The following UBE3C variants were observed in gnomAD, a reference collection of about 807,000 sequenced individuals.
UBE3C encodes ubiquitin-protein ligase E3C.
In UBE3C, 42 loss-of-function variants were observed where a neutral mutation model predicts 129.4. The observed-to-expected ratio is 0.32, with a 90% CI of 0.25 to 0.42. UBE3C has a LOEUF of 0.42. Among genes scored for constraint, UBE3C ranks in the 10% least tolerant of loss-of-function variants. The probability of loss-of-function intolerance (pLI) is 1.00; values close to 1 mark genes in which losing one functional copy is unlikely to be tolerated. For synonymous variants in UBE3C, 510 were observed against 492.4 expected, an observed-to-expected ratio of 1.04 and a Z score of -0.47; for missense variants, 1,049 against 1,319.1, an observed-to-expected ratio of 0.80 and a Z score of 3.17.
intron 18 of UBE3C, among the ~76,000 whole-genome samples, chr7:157,242,141 T>C (rs1010892560): frequency 1.3e-5 from 2 of 152,184 alleles, no homozygotes; most frequent in Non-Finnish European, 1.5e-5. Context: ...GATATCCCAG[T>C]AAAGCTGTTA....
intron 13 of UBE3C, among the ~76,000 whole-genome samples, chr7:157,211,383 T>A (rs1460823280): frequency 6.6e-6 from 1 of 152,228 alleles, no homozygotes; most frequent in Non-Finnish European, 1.5e-5. Context: ...CCTTTTCTGT[T>A]ATTGAAGATT....
intron 1 of UBE3C, among the ~76,000 whole-genome samples, chr7:157,139,636 A>G (rs1007242259): frequency 8.5e-5 from 13 of 152,282 alleles, no homozygotes; most frequent in African/African-American, 2.9e-4. Context: ...TTGCCTGTCC[A>G]CTGCGCTTCG....
rs1253352556 is a variant in UBE3C, at chr7:157,269,125, T to A, written c.*1370T>A. ...TTAAGCGTTTAAATGCTATTTGTAG[T>A]CTTGATATACAGAAATAAAATAATT... On this transcript the variant is annotated 3_prime_UTR_variant, in exon 23 of 23. Coordinates refer to ENST00000348165, the MANE Select transcript of UBE3C (RefSeq NM_014671.3). 1 of 152,656 alleles carries A rather than the reference T, an allele frequency of 6.6e-6. No individual in the cohort carries two copies. Among genetic ancestry groups the A allele is most frequent in the African/African-American group, 2.4e-5 (1 of 41,458 alleles). 9.5% of individuals were successfully genotyped at this position (152,656 alleles called of 1,614,324 possible).
chr7:157,177,532 C>G (rs185798240), intron 5 of UBE3C, among the ~76,000 whole-genome samples: 2 of 152,212 alleles, frequency 1.3e-5, no homozygotes, highest in African/African-American at 4.8e-5. Context: ...ACAAGAGGCT[C>G]TCCCACCGCC....
At position 157,182,236 on chromosome 7, in the gene UBE3C, C is replaced by T. The variant is rs1563044389; in HGVS notation, c.899C>T (p.Ala300Val). 1.9e-6 allele frequency: 3 copies of T among 1,614,218 alleles called. No homozygotes were observed. The highest frequency in any genetic ancestry group is 1.7e-5 in the Admixed American group (1 of 60,018). The change falls in exon 8 of 23, where the codon GCA becomes GTA. Residue 300 changes from alanine to valine, a missense_variant. Physicochemically the swap from Ala to Val is moderately conservative, Grantham distance 64. This residue lies in a region of UBE3C where 489 missense variants were observed against 513.8 expected (regional missense o/e 0.95). Transcript: ENST00000348165. ...TVFPYEPFLN[A>V]LLLIESRCSR... ...TTCCCTTACGAGCCCTTTCTGAATG[C>T]ACTGTTGTTAATAGAGAGTAGATGT...
intron 10 of UBE3C, chr7:157,198,466 A>T: frequency 2.1e-6 from 1 of 475,040 alleles, no homozygotes; most frequent in African/African-American, 2.0e-5. Context: ...AGCCTGGAAG[A>T]TCTCCTCTCC....
In UBE3C at chr7:157,178,785, T is replaced by C; in HGVS notation, c.554T>C (p.Leu185Ser). The C allele has an allele frequency of 6.2e-7, 1 of 1,614,236 alleles. No individual in the cohort carries two copies. The highest frequency in any genetic ancestry group is 8.5e-7 in the Non-Finnish European group (1 of 1,180,032). Residue 185 changes from leucine to serine, a missense_variant, in exon 6 of 23, where the codon TTA becomes TCA. Physicochemically the swap from Leu to Ser is moderately radical, Grantham distance 145 (BLOSUM62 -2). Transcript: ENST00000348165. ...FSSENTYLPV[L>S]QDASYVVSVI... ...TCTGAGAATACTTACTTGCCTGTTT[T>C]ACAAGATGCTAGCTATGTGGTGTCA...
At position 157,192,746 on chromosome 7, in the gene UBE3C, T is replaced by A. The variant is rs144273724; in HGVS notation, c.1331+5725T>A. 6.3e-3 allele frequency: 6,263 copies of A among 990,236 alleles called. 139 individuals are homozygous for A. The highest frequency in any genetic ancestry group is 0.045 in the South Asian group (3,464 of 76,906). 61.3% of individuals were successfully genotyped at this position (990,236 alleles called of 1,614,324 possible). The stretch of plus-strand genomic sequence containing the variant: ...AGTGCCCTTCTGATGAATGTGGTGC[T>A]GGAGTGTTTATGGCAAGTCACTTTG... On this transcript the variant is annotated intron_variant, in intron 10 of 22. Coordinates refer to ENST00000348165, the MANE Select transcript of UBE3C (RefSeq NM_014671.3).
At chr7:157,251,005 G>A (rs1796608368) in intron 19 of UBE3C, among the ~76,000 whole-genome samples, 1 of 152,174 alleles carries the variant, frequency 6.6e-6, no homozygotes, top group African/African-American at 2.4e-5. Context: ...GTGAAGTTAA[G>A]ATGTTCCAGT....
intron 11 of UBE3C, among the ~76,000 whole-genome samples, chr7:157,206,560 C>A (rs1308476146): frequency 6.6e-6 from 1 of 151,686 alleles, no homozygotes; most frequent in East Asian, 1.9e-4. Context: ...CCATACCCAG[C>A]CTTTTTTCTT....
At chr7:157,208,563 C>A (rs1327983411) in intron 13 of UBE3C, among the ~76,000 whole-genome samples, 1 of 152,084 alleles carries the variant, frequency 6.6e-6, no homozygotes, top group East Asian at 1.9e-4. Context: ...AATATAAATA[C>A]AGTTTTTAAA....
At chr7:157,174,578 G>A (rs533491751) in intron 4 of UBE3C, among the ~76,000 whole-genome samples, 10 of 152,090 alleles carry the variant, frequency 6.6e-5, no homozygotes, top group Admixed American at 2.6e-4. Flanking sequence ...TCAGCCTCTC[G>A]AATAGCTGGG....
intron 2 of UBE3C, 112 bp downstream of exon 2, chr7:157,163,975 G>A: frequency 2.0e-6 from 2 of 975,962 alleles, no homozygotes; most frequent in Non-Finnish European, 3.1e-6. Flanking sequence ...ATATATGACA[G>A]AATGTGTGTG....
chr7:157,234,282 C>T (rs1563067987), intron 18 of UBE3C, among the ~76,000 whole-genome samples: 2 of 152,162 alleles, frequency 1.3e-5, no homozygotes, highest in Non-Finnish European at 2.9e-5. Flanking sequence ...CCTGTATGTT[C>T]TTCTGACGGT....
At chr7:157,243,218 C>T (rs1257177786) in intron 18 of UBE3C, among the ~76,000 whole-genome samples, 2 of 152,120 alleles carry the variant, frequency 1.3e-5, no homozygotes, top group South Asian at 2.1e-4. Flanking sequence ...AAGTGAAAGC[C>T]GAGTTGGAGA....
At chr7:157,152,570 T>C (rs985402560) in intron 1 of UBE3C, among the ~76,000 whole-genome samples, 1 of 152,128 alleles carries the variant, frequency 6.6e-6, no homozygotes, top group Non-Finnish European at 1.5e-5. Flanking sequence ...GCAGGGCACT[T>C]TTCGTTTATG....
chr7:157,196,737 G>A (rs1237549669), intron 10 of UBE3C, among the ~76,000 whole-genome samples: 2 of 128,512 alleles, frequency 1.6e-5, no homozygotes, highest in African/African-American at 3.8e-5. Flanking sequence ...GGGAGTCTGA[G>A]GTGGGTGGAT....
intron 14 of UBE3C, among the ~76,000 whole-genome samples, chr7:157,219,755 C>T (rs1303327692): frequency 1.3e-5 from 2 of 152,106 alleles, no homozygotes; most frequent in Non-Finnish European, 2.9e-5. Context: ...AAAAGTTAGC[C>T]AGGCATAGTG....
chr7:157,221,431 G>GT (rs1175792349), intron 15 of UBE3C: 1 of 150,452 alleles, frequency 6.6e-6, no homozygotes, highest in Admixed American at 6.6e-5. Flanking sequence ...AGCACTTACA[G>GT]TTGTCATTTA....
Sources: gnomAD v4.1 joint callset for allele counts (sites outside exome capture counted in the v4.1 genomes callset) on GRCh38, gnomAD v4.1.1 for gene constraint, gnomAD v4.1.1 regional missense constraint, MANE v1.5 for transcripts, NCBI Gene and HGNC (gene_info 2026-07-23, HGNC 2026-07-21) for gene names.